The following USP38 variants were observed in gnomAD, a reference collection of about 807,000 sequenced individuals.
USP38 encodes ubiquitin carboxyl-terminal hydrolase 38.
A neutral mutation model predicts 94.3 loss-of-function variants in USP38; 49 were observed. That is an observed-to-expected ratio of 0.52 (90% confidence interval 0.41 to 0.66). USP38 has a LOEUF of 0.66. Among genes scored for constraint, USP38 ranks in the 30% least tolerant of loss-of-function variants. The pLI is 0.00. For missense variants in USP38, 1,128 were observed against 1,229.4 expected (o/e 0.92, Z 1.23); for synonymous variants, 468 against 463.6 (o/e 1.01, Z -0.12).
chr4:143,197,783 C>T, intron 3 of USP38, 40 bp from the exon 4 acceptor site: 3 of 1,420,206 alleles, frequency 2.1e-6, no homozygotes, highest in Non-Finnish European at 3.0e-6. Context: ...TAATGATTTT[C>T]CTGCAAATTC....
In USP38 at chr4:143,185,209, G is replaced by A. The variant is rs1043898499; in HGVS notation, c.-242G>A. 2.2e-6 allele frequency: 1 copy of A among 461,774 alleles called. No individual in the cohort carries two copies. Among genetic ancestry groups the A allele is most frequent in the Non-Finnish European group, 3.8e-6 (1 of 262,812 alleles). 28.6% of individuals were successfully genotyped at this position (461,774 alleles called of 1,614,324 possible). On this transcript the variant is annotated 5_prime_UTR_variant, in exon 1 of 10. It introduces an in-frame stop codon into an upstream open reading frame of the 5' UTR. Coordinates refer to ENST00000307017, the MANE Select transcript of USP38 (RefSeq NM_032557.6). ...GGGCGGCGGCGGAGTACGGGCCTCT[G>A]GCGCCTTAGGCCAGCCGCAGGTGTC...
chr4:143,194,750 C>T (rs1234890947), intron 2 of USP38, among the ~76,000 whole-genome samples: 1 of 152,166 alleles, frequency 6.6e-6, no homozygotes. Flanking sequence ...TCTGGTGATC[C>T]AGCCGCCTTG....
chr4:143,221,379 A>C lies in USP38; in HGVS notation c.*923A>C. On this transcript the variant is annotated 3_prime_UTR_variant, in exon 10 of 10. Transcript: ENST00000307017. Reference sequence around the variant, plus strand: ...ATGGTTCTAAATCAATCAATGTGATAGTTCATTTTTAACTCTTAGAAGAAT... The same window carrying C: ...ATGGTTCTAAATCAATCAATGTGATCGTTCATTTTTAACTCTTAGAAGAAT... The C allele has an allele frequency of 6.6e-6, 1 of 152,602 alleles. No homozygotes were observed. Among genetic ancestry groups the C allele is most frequent in the East Asian group, 1.9e-4 (1 of 5,200 alleles). The allele number at this position is 152,602 out of a possible 1,614,324, so 9.5% of individuals were successfully genotyped here.
intron 8 of USP38, among the ~76,000 whole-genome samples, chr4:143,213,104 G>A (rs963763628): frequency 2.0e-5 from 3 of 152,116 alleles, no homozygotes; most frequent in African/African-American, 7.2e-5. Context: ...GGTTTGGTAT[G>A]TTTTATTGTC....
Position 143,185,439 on chromosome 4 carries a change from AG to A in USP38, c.-11del, listed in dbSNP as rs779336206. 1.9e-6 allele frequency: 3 copies of A among 1,567,476 alleles called. No individual in the cohort carries two copies. Among genetic ancestry groups the A allele is most frequent in the East Asian group, 4.5e-5 (2 of 44,408 alleles). On this transcript the variant is annotated 5_prime_UTR_variant, in exon 1 of 10. Coordinates refer to ENST00000307017, the MANE Select transcript of USP38 (RefSeq NM_032557.6). ...CCTTATCCCCTGGCCCTGGCCTTGC[AG>A]CGTGGCGACAATGGACAAGATCCTG...
chr4:143,192,784 G>C (rs1477253267), intron 2 of USP38, among the ~76,000 whole-genome samples: 3 of 152,078 alleles, frequency 2.0e-5, no homozygotes, highest in Non-Finnish European at 4.4e-5. Context: ...CAAACATTCA[G>C]ACCACAGCAC....
chr4:143,185,913 G>C lies in USP38; in HGVS notation c.463G>C (p.Val155Leu), dbSNP rs1731207199. Residue 155 changes from valine to leucine, a missense_variant, in exon 1 of 10, where the codon GTG (valine) becomes CTG (leucine). Coordinates refer to ENST00000307017, the MANE Select transcript of USP38 (RefSeq NM_032557.6). Reference sequence around the variant, plus strand: ...ACTGAGCGACCTTCTGACCGACTTTGTGCAATGCATCCCCAAGGGGAAATT... The same window carrying C: ...ACTGAGCGACCTTCTGACCGACTTTCTGCAATGCATCCCCAAGGGGAAATT... ...ARLSDLLTDF[V>L]QCIPKGKLSI... is the part of the protein sequence containing the mutation. The C allele has an allele frequency of 6.2e-7, 1 of 1,614,214 alleles. No homozygotes were observed. The highest frequency in any genetic ancestry group is 1.3e-5 in the African/African-American group (1 of 75,058).
chr4:143,185,662 ACC>A lies in USP38; in HGVS notation c.213_214del (p.Tyr71Ter). 6.2e-7 allele frequency: 1 copy of A among 1,614,140 alleles called. No individual in the cohort carries two copies. On this transcript the variant is annotated stop_gained and frameshift_variant, in exon 1 of 10. Coordinates refer to ENST00000307017, the MANE Select transcript of USP38 (RefSeq NM_032557.6). LOFTEE classifies it high-confidence loss of function. ...CAGGTGCTGGAGGCCTACGCACGAT[ACC>A]ACCGGCCAGAGTTCGAGTCCTTCTT... is the stretch of plus-strand genomic sequence containing the variant.
intron 4 of USP38, among the ~76,000 whole-genome samples, chr4:143,201,352 T>A (rs1303234363): frequency 2.6e-5 from 4 of 152,192 alleles, no homozygotes; most frequent in African/African-American, 4.8e-5. Context: ...GCTGGACCCC[T>A]TCCTTACACC....
Position 143,185,471 on chromosome 4 carries a change from C to T in USP38, c.21C>T (p.Gly7=), listed in dbSNP as rs1332797669. The T allele has an allele frequency of 6.3e-7, 1 of 1,597,530 alleles. No homozygotes were observed. The highest frequency in any genetic ancestry group is 8.5e-7 in the Non-Finnish European group (1 of 1,171,144). ...CGACAATGGACAAGATCCTGGAGGG[C>T]CTTGTGAGTTCCTCGCATCCCCTGC... is the stretch of plus-strand genomic sequence containing the variant. MDKILE[G]LVSSSHPLPL... Residue 7 remains glycine, a synonymous_variant, in exon 1 of 10, where the codon GGC becomes GGT. Transcript: ENST00000307017.
At chr4:143,214,982 A>G in intron 9 of USP38, 39 bp downstream of exon 9, 1 of 1,573,492 alleles carries the variant, frequency 6.4e-7, no homozygotes, top group Non-Finnish European at 8.7e-7. Flanking sequence ...TGAAAATATT[A>G]AACAATTGAC....
chr4:143,199,518 G>A (rs896831362), intron 4 of USP38, among the ~76,000 whole-genome samples: 8 of 152,082 alleles, frequency 5.3e-5, no homozygotes, highest in East Asian at 1.9e-4. Context: ...GGATTGCTGG[G>A]TCAAATGCCA....
chr4:143,187,708 TA>T, intron 1 of USP38, 117 bp from the exon 2 acceptor site: 1 of 1,088,342 alleles, frequency 9.2e-7, no homozygotes, highest in Non-Finnish European at 1.3e-6. Context: ...TGTAGCATAA[TA>T]ATCCTTCCTA....
intron 2 of USP38, 147 bp downstream of exon 2, chr4:143,188,108 T>G: frequency 9.2e-7 from 1 of 1,085,950 alleles, no homozygotes; most frequent in Non-Finnish European, 1.3e-6. Flanking sequence ...AGATTGGAAT[T>G]GTTTATAGCG....
intron 2 of USP38, among the ~76,000 whole-genome samples, 168 bp from the exon 3 acceptor site, chr4:143,195,548 G>A (rs1731518883): frequency 6.6e-6 from 1 of 152,206 alleles, no homozygotes; most frequent in Non-Finnish European, 1.5e-5. Flanking sequence ...AATTCCATGA[G>A]AACAAGCACC....
In USP38 at chr4:143,185,177, G is replaced by A; in HGVS notation, c.-274G>A. On this transcript the variant is annotated 5_prime_UTR_variant, in exon 1 of 10. Transcript: ENST00000307017. ...CGGCGCTGATGCTGAGTGGGATCGA[G>A]GGCCCGGGGCGGCGGCGGAGTACGG... 1 of 351,314 alleles carries A rather than the reference G, an allele frequency of 2.8e-6. No homozygotes were observed. The highest frequency in any genetic ancestry group is 5.2e-6 in the Non-Finnish European group (1 of 193,896). 21.8% of individuals were successfully genotyped at this position (351,314 alleles called of 1,614,324 possible).
In USP38 at chr4:143,212,433, T is replaced by G. The variant is rs1343817068; in HGVS notation, c.1604+9T>G. On this transcript the variant is annotated intron_variant, in intron 8 of 9. Transcript: ENST00000307017. ...AGATTTCTCCTTGACAGGTAAAAAG[T>G]ATTCTTAAAATTGTGATTTGAGTGT... The G allele has an allele frequency of 1.3e-6, 2 of 1,565,906 alleles. No individual in the cohort carries two copies. The highest frequency in any genetic ancestry group is 8.7e-7 in the Non-Finnish European group (1 of 1,154,552).
chr4:143,185,208 T>TG lies in USP38; in HGVS notation c.-241dup, dbSNP rs1731173687. The TG allele has an allele frequency of 2.2e-6, 1 of 461,300 alleles. No individual in the cohort carries two copies. The highest frequency in any genetic ancestry group is 3.8e-6 in the Non-Finnish European group (1 of 262,324). 28.6% of individuals were successfully genotyped at this position (461,300 alleles called of 1,614,324 possible). A position where few individuals can be genotyped will look rare whatever the true frequency, so the allele number is the denominator to read the frequency against. On this transcript the variant is annotated 5_prime_UTR_variant, in exon 1 of 10. An upstream open reading frame in the 5' UTR gains an earlier in-frame stop. Transcript: ENST00000307017. Reference sequence around the variant, plus strand: ...GGGGCGGCGGCGGAGTACGGGCCTCTGGCGCCTTAGGCCAGCCGCAGGTGT... The same window carrying TG: ...GGGGCGGCGGCGGAGTACGGGCCTCTGGGCGCCTTAGGCCAGCCGCAGGTGT...
chr4:143,206,055 A>G lies in USP38; in HGVS notation c.1232A>G (p.Glu411Gly), dbSNP rs200056150. ...TAGGATTTTCCTAAGCCCAGTGAAG[A>G]GAAGATTAAGTTAATTCTCAATCAA... ...AIKDFPKPSE[E>G]KIKLILNQSA... Residue 411 changes from glutamate to glycine, a missense_variant, in exon 6 of 10, where the codon GAG (glutamate) becomes GGG (glycine). Physicochemically the swap from Glu to Gly is moderately conservative, Grantham distance 98. Coordinates refer to ENST00000307017, the MANE Select transcript of USP38 (RefSeq NM_032557.6). 1 of 1,608,326 alleles carries G rather than the reference A, an allele frequency of 6.2e-7. No homozygotes were observed. The highest frequency in any genetic ancestry group is 8.5e-7 in the Non-Finnish European group (1 of 1,177,754).
Sources: allele counts gnomAD v4.1 joint callset (sites outside exome capture counted in the v4.1 genomes callset), GRCh38; gene constraint gnomAD v4.1.1; transcripts MANE v1.5; gene names NCBI Gene and HGNC (gene_info 2026-07-23, HGNC 2026-07-21).